SIN3A: variants seen among roughly 807,000 people sequenced by gnomAD.
The protein encoded by SIN3A is paired amphipathic helix protein Sin3a.
In SIN3A, 14 loss-of-function variants were observed where a neutral mutation model predicts 146.1. That is an observed-to-expected ratio of 0.10 (90% CI 0.06 to 0.15). SIN3A has a LOEUF of 0.15. Among genes scored for constraint, SIN3A ranks in the 10% least tolerant of loss-of-function variants. The pLI is 1.00. For missense variants in SIN3A, 1,028 were observed against 1,576.0 expected (o/e 0.65, Z 5.89); for synonymous variants, 572 against 572.0 (o/e 1.00, Z 0.00).
chr15:75,451,981 C>A (rs1439270376), upstream of SIN3A, among the ~76,000 whole-genome samples: 2 of 152,162 alleles, frequency 1.3e-5, no homozygotes, highest in Admixed American at 1.3e-4. Context: ...GAAGCTCTTC[C>A]TGTCTCATTG....
intron 1 of SIN3A, among the ~76,000 whole-genome samples, chr15:75,431,052 A>C (rs964567233): frequency 7.9e-5 from 12 of 152,212 alleles, no homozygotes; most frequent in Non-Finnish European, 1.8e-4. Flanking sequence ...CTGGGATTAC[A>C]GGCGTGAGCC....
Position 75,375,778 on chromosome 15 carries a change from C to A in SIN3A, c.3478G>T (p.Asp1160Tyr). 1 of 1,614,146 alleles carries A rather than the reference C, an allele frequency of 6.2e-7. No homozygotes were observed. Among genetic ancestry groups the A allele is most frequent in the Non-Finnish European group, 8.5e-7 (1 of 1,180,008 alleles). Residue 1160 changes from aspartate to tyrosine, a missense_variant, in exon 20 of 21, where the codon GAT becomes TAT. Physicochemically the swap from Asp to Tyr is radical, Grantham distance 160. This residue lies in a region of SIN3A where 488 missense variants were observed against 690.2 expected (regional missense o/e 0.71). Transcript: ENST00000394947. Reference protein sequence around the residue: ...GNSKKTMENVDSLDKLECRFK... With the variant: ...GNSKKTMENVYSLDKLECRFK... ...CTACACTCCAGCTTATCCAGACTAT[C>A]CACATTCTCCATGGTCTTCTTGCTG... is the stretch of plus-strand genomic sequence containing the variant.
intron 8 of SIN3A, among the ~76,000 whole-genome samples, chr15:75,408,641 C>T (rs1266463255): frequency 1.3e-5 from 2 of 152,198 alleles, no homozygotes; most frequent in Admixed American, 1.3e-4. Context: ...TCAGTGTTAA[C>T]TATAACAAAA....
intron 18 of SIN3A, 195 bp from the exon 19 acceptor site, chr15:75,380,918 A>C: frequency 1.9e-6 from 1 of 526,966 alleles, no homozygotes; most frequent in Non-Finnish European, 3.5e-6. Context: ...AGCCAGCAAT[A>C]CTGCTAAGTT....
At chr15:75,411,370 G>T in intron 6 of SIN3A, 122 bp downstream of exon 6, 1 of 1,083,166 alleles carries the variant, frequency 9.2e-7, no homozygotes, top group Non-Finnish European at 1.3e-6. Flanking sequence ...AAACATGCAT[G>T]ATAGTTTCTA....
intron 9 of SIN3A, among the ~76,000 whole-genome samples, chr15:75,402,964 C>T (rs929320197): frequency 2.0e-5 from 3 of 151,778 alleles, no homozygotes; most frequent in Non-Finnish European, 4.4e-5. Flanking sequence ...TTAAAAGAAA[C>T]TTACTAAAAT....
chr15:75,402,108 A>G, intron 9 of SIN3A, 138 bp from the exon 10 acceptor site: 1 of 626,790 alleles, frequency 1.6e-6, no homozygotes, highest in Non-Finnish European at 2.8e-6. Context: ...TCAGCCTCCC[A>G]AGTAGCTGGG....
intron 2 of SIN3A, 21 bp downstream of exon 2, chr15:75,430,166 C>T (rs1430728036): frequency 6.3e-7 from 1 of 1,589,470 alleles, no homozygotes; most frequent in African/African-American, 1.3e-5. Context: ...CATTCTAGTC[C>T]CTTGGTTGGC....
At chr15:75,381,471 A>C (rs2141386101) in intron 18 of SIN3A, 142 bp downstream of exon 18, 2 of 647,338 alleles carry the variant, frequency 3.1e-6, no homozygotes, top group South Asian at 4.1e-5. Flanking sequence ...GGCTGGATTG[A>C]CTTGTACTTT....
At chr15:75,380,556 T>TG in intron 19 of SIN3A, 73 bp downstream of exon 19, 1 of 1,139,010 alleles carries the variant, frequency 8.8e-7, no homozygotes. Flanking sequence ...GCCAAGAACG[T>TG]GAAAGTCATT....
intron 12 of SIN3A, among the ~76,000 whole-genome samples, chr15:75,397,698 CA>C (rs1448431026): frequency 6.6e-6 from 1 of 152,194 alleles, no homozygotes; most frequent in Admixed American, 6.5e-5. Flanking sequence ...TAGCTCATCC[CA>C]CCAAATCTTA....
chr15:75,434,647 CAA>C (rs557903926), intron 1 of SIN3A, among the ~76,000 whole-genome samples: 4 of 123,032 alleles, frequency 3.3e-5, no homozygotes, highest in Admixed American at 8.4e-5. Context: ...GGAACTGTCT[CAA>C]AAAAAAAAAA....
At chr15:75,435,841 GT>G (rs1422535037) in intron 1 of SIN3A, among the ~76,000 whole-genome samples, 1 of 152,074 alleles carries the variant, frequency 6.6e-6, no homozygotes, top group Admixed American at 6.6e-5. Context: ...AAAGAAAAAT[GT>G]GCCTGGGCAC....
intron 1 of SIN3A, among the ~76,000 whole-genome samples, chr15:75,434,572 C>A (rs943864014): frequency 6.6e-6 from 1 of 151,736 alleles, no homozygotes; most frequent in Non-Finnish European, 1.5e-5. Flanking sequence ...ATCACTTGAA[C>A]CTGGGAGGTG....
rs995271451 is a variant in SIN3A, at chr15:75,411,625, G to A, written c.875C>T (p.Thr292Met). ...PHTPVTISLG[T>M]APSLQNNQPV... ...TTGATTGTTCTGCAAGGATGGGGCC[G>A]TTCCCAACGAGATTGTCACTGGTGT... Residue 292 changes from threonine (T) to methionine (M), a missense_variant, in exon 6 of 21, where the codon ACG becomes ATG. Coordinates refer to ENST00000394947, the MANE Select transcript of SIN3A (RefSeq NM_001145358.2). The A allele has an allele frequency of 1.7e-5, 27 of 1,614,056 alleles. No individual in the cohort carries two copies. The highest frequency in any genetic ancestry group is 4.4e-5 in the South Asian group (4 of 91,076).
intron 5 of SIN3A, 144 bp downstream of exon 5, chr15:75,412,619 G>T: frequency 2.5e-6 from 2 of 786,448 alleles, no homozygotes; most frequent in Non-Finnish European, 3.9e-6. Flanking sequence ...ATGTCATAGT[G>T]AAGTTTTCAT....
chr15:75,405,909 A>C (rs1294491554), intron 9 of SIN3A, among the ~76,000 whole-genome samples: 1 of 152,044 alleles, frequency 6.6e-6, no homozygotes, highest in East Asian at 1.9e-4. Flanking sequence ...AGACTTCCAC[A>C]CTTGTCTAAG....
intron 9 of SIN3A, among the ~76,000 whole-genome samples, chr15:75,404,213 C>A (rs2073466135): frequency 2.0e-5 from 3 of 152,288 alleles, no homozygotes; most frequent in Admixed American, 1.3e-4. Context: ...AGAATCTAGA[C>A]TTTTAAAGCT....
At chr15:75,385,122 G>A (rs1168075074) in intron 16 of SIN3A, among the ~76,000 whole-genome samples, 16 of 152,160 alleles carry the variant, frequency 1.1e-4, no homozygotes, top group Admixed American at 9.8e-4. Flanking sequence ...GCAGTGAGCC[G>A]AGACTGCACC....
Sources: allele counts gnomAD v4.1 joint callset (sites outside exome capture counted in the v4.1 genomes callset), GRCh38; gene constraint gnomAD v4.1.1; regional missense constraint gnomAD v4.1.1; transcripts MANE v1.5; gene names NCBI Gene and HGNC (gene_info 2026-07-23, HGNC 2026-07-21).